Variants in KIZ observed in about 807,000 individuals in gnomAD.
KIZ encodes centrosomal protein kizuna.
In KIZ, 68 loss-of-function variants were observed where a neutral mutation model predicts 79.6. The observed-to-expected ratio is 0.85, with a 90% CI of 0.70 to 1.05. KIZ has a LOEUF of 1.05. Among genes scored for constraint, KIZ ranks in the 50% least tolerant of loss-of-function variants. The pLI is 0.00. For synonymous variants in KIZ, 280 were observed against 281.8 expected (o/e 0.99, Z 0.06); for missense variants, 797 against 800.4 (o/e 1.00, Z 0.05).
At chr20:21,157,181 A>G (rs2033427251) in intron 4 of KIZ, among the ~76,000 whole-genome samples, 1 of 152,198 alleles carries the variant, frequency 6.6e-6, no homozygotes. Context: ...ATAGTGCGGG[A>G]AGACAACCTT....
chr20:21,209,283 T>A lies in KIZ; in HGVS notation c.1446+3699T>A, dbSNP rs1239215329. Reference sequence around the variant, plus strand: ...ATAATTGAGCTGCCTGCTTTTAAATTGGAAAAATTTGTAATTACTTTTTGT... The same window carrying A: ...ATAATTGAGCTGCCTGCTTTTAAATAGGAAAAATTTGTAATTACTTTTTGT... On this transcript the variant is annotated intron_variant, in intron 7 of 12. Transcript: ENST00000619189. 2.0e-5 allele frequency among the ~76,000 whole-genome samples: 3 copies of A among 152,316 alleles called. No homozygotes were observed. The East Asian group carries it at 5.8e-4, about 29-fold the overall frequency.
chr20:21,232,304 G>A (rs1182859151), intron 10 of KIZ, among the ~76,000 whole-genome samples: 1 of 152,146 alleles, frequency 6.6e-6, no homozygotes, highest in Non-Finnish European at 1.5e-5. Flanking sequence ...GGAAAATAGA[G>A]GATTTTACAG....
intron 9 of KIZ, among the ~76,000 whole-genome samples, 193 bp downstream of exon 9, chr20:21,215,841 C>T (rs186429032): frequency 2.0e-5 from 3 of 152,242 alleles, no homozygotes; most frequent in Non-Finnish European, 2.9e-5. Flanking sequence ...GGAAAATCAC[C>T]GTGTCTATTG....
intron 6 of KIZ, among the ~76,000 whole-genome samples, chr20:21,168,622 C>T (rs1035667129): frequency 1.2e-4 from 18 of 152,266 alleles, no homozygotes; most frequent in African/African-American, 4.1e-4. Context: ...CCCGCATCGC[C>T]AAGTCAATCC....
intron 3 of KIZ, among the ~76,000 whole-genome samples, chr20:21,143,608 G>A (rs1459669485): frequency 6.6e-6 from 1 of 152,118 alleles, no homozygotes; most frequent in East Asian, 1.9e-4. Context: ...AATTTAGGTG[G>A]GCAGCATCAA....
At position 21,162,515 on chromosome 20, in the gene KIZ, G is replaced by A; in HGVS notation, c.1042+8G>A. The A allele has an allele frequency of 1.2e-6, 2 of 1,602,122 alleles. No homozygotes were observed. Among genetic ancestry groups the A allele is most frequent in the Non-Finnish European group, 1.7e-6 (2 of 1,173,656 alleles). On this transcript the variant is annotated splice_region_variant and intron_variant, in intron 5 of 12. Coordinates refer to ENST00000619189, the MANE Select transcript of KIZ (RefSeq NM_018474.6). ...CTTGGGAAGGTGTTTCAGGTGGGATGAGAGGCTGAGTTTGGTTGCTGATTT... is the reference window on the plus strand; with the variant it reads ...CTTGGGAAGGTGTTTCAGGTGGGATAAGAGGCTGAGTTTGGTTGCTGATTT...
In KIZ at chr20:21,208,701, C is replaced by CA. The variant is rs748647325; in HGVS notation, c.1446+3131dup. ...TGGGGGACAGAGCGAGACTCCATCT[C>CA]AAAAAAAAAAAAAATGGAATAAACA... is the stretch of plus-strand genomic sequence containing the variant. On this transcript the variant is annotated intron_variant, in intron 7 of 12. Transcript: ENST00000619189. Among the ~76,000 whole-genome samples, 641 of 122,500 alleles carry CA rather than the reference C, an allele frequency of 5.2e-3. 3 individuals are homozygous for CA. Among genetic ancestry groups the CA allele is most frequent in the African/African-American group, 0.012 (398 of 33,118 alleles). The allele number at this position is 122,500 out of a possible 152,430, so 80.4% of individuals were successfully genotyped here.
In KIZ at chr20:21,166,271, T is replaced by C. The variant is rs1475838119; in HGVS notation, c.1352+3112T>C. ...CGTCTTGCTTCTTCATGGTCCATGA[T>C]GCCAGCTGAGGTTGTCAGTACAATG... On this transcript the variant is annotated intron_variant, in intron 6 of 12. Transcript: ENST00000619189. 6.9e-6 allele frequency: 11 copies of C among 1,600,604 alleles called. No individual in the cohort carries two copies. The East Asian group carries it at 2.2e-4, about 32-fold the overall frequency.
chr20:21,155,528 T>C (rs1241735922), intron 4 of KIZ, among the ~76,000 whole-genome samples: 2 of 152,076 alleles, frequency 1.3e-5, no homozygotes, highest in African/African-American at 4.8e-5. Flanking sequence ...GGGGACTGAC[T>C]GGGGAGGATG....
At chr20:21,219,832 T>G (rs945177350) in intron 9 of KIZ, among the ~76,000 whole-genome samples, 7 of 152,188 alleles carry the variant, frequency 4.6e-5, no homozygotes, top group African/African-American at 1.7e-4. Flanking sequence ...TGCTATCACT[T>G]TGAAGGCATC....
intron 6 of KIZ, among the ~76,000 whole-genome samples, chr20:21,174,086 T>G (rs1271970131): frequency 6.6e-6 from 1 of 152,134 alleles, no homozygotes; most frequent in Admixed American, 6.5e-5. Context: ...ATGTTTCACA[T>G]GAGGTTTAGA....
intron 9 of KIZ, among the ~76,000 whole-genome samples, chr20:21,215,954 A>G (rs2036270652): frequency 6.6e-6 from 1 of 152,176 alleles, no homozygotes; most frequent in Non-Finnish European, 1.5e-5. Flanking sequence ...CCTGGGGAAC[A>G]CCCGGTCATT....
At chr20:21,159,789 T>G (rs571111121) in intron 4 of KIZ, among the ~76,000 whole-genome samples, 1 of 152,368 alleles carries the variant, frequency 6.6e-6, no homozygotes, top group East Asian at 1.9e-4. Context: ...TTATCTCCAC[T>G]TTTGGCTATC....
At position 21,178,486 on chromosome 20, in the gene KIZ, A is replaced by T. The variant is rs569246393; in HGVS notation, c.1352+15327A>T. Among the ~76,000 whole-genome samples the T allele has an allele frequency of 7.3e-5, 11 of 151,462 alleles. No homozygotes were observed. In the South Asian group the frequency reaches 2.1e-3, roughly 29 times the overall value. ...TCTAACAGTATGCATCTGTGTGTGTATGTGATCTTTAGAGTTTTCTATATA... is the reference window on the plus strand; with the variant it reads ...TCTAACAGTATGCATCTGTGTGTGTTTGTGATCTTTAGAGTTTTCTATATA... On this transcript the variant is annotated intron_variant, in intron 6 of 12. Coordinates refer to ENST00000619189, the MANE Select transcript of KIZ (RefSeq NM_018474.6).
chr20:21,144,843 C>G (rs2032762115), intron 3 of KIZ, among the ~76,000 whole-genome samples: 1 of 152,084 alleles, frequency 6.6e-6, no homozygotes, highest in Non-Finnish European at 1.5e-5. Context: ...TTTGATGGAC[C>G]ACAATCCATG....
chr20:21,134,008 A>C (rs1005059101), intron 2 of KIZ, among the ~76,000 whole-genome samples: 7 of 152,234 alleles, frequency 4.6e-5, no homozygotes, highest in African/African-American at 1.7e-4. Flanking sequence ...CTGCAAACTC[A>C]GAACGGCAGC....
intron 6 of KIZ, among the ~76,000 whole-genome samples, chr20:21,202,977 T>C (rs2035659005): frequency 2.0e-5 from 3 of 152,194 alleles, no homozygotes; most frequent in Non-Finnish European, 1.5e-5. Context: ...AGACAACATA[T>C]CATTTCACTC....
chr20:21,211,271 T>C (rs1270550119), intron 7 of KIZ, among the ~76,000 whole-genome samples: 1 of 152,218 alleles, frequency 6.6e-6, no homozygotes, highest in East Asian at 1.9e-4. Context: ...TAGAACGATT[T>C]ATCTGCCATA....
rs1013168822 is a variant in KIZ at position 21,172,750 on chromosome 20, A to G, written c.1352+9591A>G. Among the ~76,000 whole-genome samples the G allele has an allele frequency of 2.0e-5, 3 of 152,334 alleles. No individual in the cohort carries two copies. In the East Asian group the frequency reaches 5.8e-4, roughly 29 times the overall value. On this transcript the variant is annotated intron_variant, in intron 6 of 12. Transcript: ENST00000619189. ...CCTGAAGTGGGAGAGTTGGTAAGCC[A>G]CATTCAGCTGTGCCCATGCCTTCTC... is the stretch of plus-strand genomic sequence containing the variant.
Sources: allele counts gnomAD v4.1 joint callset (sites outside exome capture counted in the v4.1 genomes callset), GRCh38; gene constraint gnomAD v4.1.1; transcripts MANE v1.5; gene names NCBI Gene and HGNC (gene_info 2026-07-23, HGNC 2026-07-21).